Variants in COL5A2 observed in about 807,000 individuals in gnomAD.
The protein encoded by COL5A2 is collagen type V alpha 2 chain.
A neutral mutation model predicts 208.2 loss-of-function variants in COL5A2; 23 were observed. The ratio of observed to expected loss-of-function variants is 0.11; its 90% CI spans 0.08 to 0.16. The LOEUF (loss-of-function observed/expected upper bound fraction) is 0.16. Among genes scored for constraint, COL5A2 ranks in the 10% least tolerant of loss-of-function variants. COL5A2 has a pLI of 1.00. For missense variants in COL5A2, 1,590 were observed against 1,956.4 expected, an observed-to-expected ratio of 0.81 and a Z score of 3.53; for synonymous variants, 625 against 628.5, an observed-to-expected ratio of 0.99 and a Z score of 0.08.
Position 189,065,073 on chromosome 2 carries a change from A to C in COL5A2, c.1564-16T>G, listed in dbSNP as rs1330054940. On this transcript the variant is annotated splice_polypyrimidine_tract_variant and intron_variant, in intron 23 of 53. Transcript: ENST00000374866. The stretch of plus-strand genomic sequence containing the variant: ...CAGGAGCACCCTACAAATGACCAAA[A>C]TGTGATTCTTAATTGTTGTTGATAT... 2 of 1,612,402 alleles carry C rather than the reference A, an allele frequency of 1.2e-6. No individual in the cohort carries two copies. Among genetic ancestry groups the C allele is most frequent in the African/African-American group, 2.7e-5 (2 of 74,870 alleles).
rs146227632 is a variant in COL5A2, at chr2:189,108,102, C to T, written c.322+2123G>A. 1.8e-3 allele frequency among the ~76,000 whole-genome samples: 275 copies of T among 151,768 alleles called. 2 individuals carry two copies. Among genetic ancestry groups the T allele is most frequent in the African/African-American group, 6.3e-3 (262 of 41,514 alleles). ...TAGTTCATACTTTCTTTTGCCTCCC[C>T]CTTTCATTATATATGTTTTATAATT... On this transcript the variant is annotated intron_variant, in intron 2 of 53. Transcript: ENST00000374866.
At chr2:189,343,317 A>C in the COL5A2 span, among the ~76,000 whole-genome samples, 1 of 152,280 alleles carries the variant, frequency 6.6e-6, no homozygotes, top group East Asian at 1.9e-4. Context: ...ATACAGAATT[A>C]TATGTTAACT....
intron 49 of COL5A2, 28 bp downstream of exon 49, chr2:189,042,692 C>T: frequency 6.3e-7 from 1 of 1,598,824 alleles, no homozygotes; most frequent in Non-Finnish European, 8.6e-7. Flanking sequence ...TTATTTACAC[C>T]TGCAACTTAC....
the COL5A2 span, among the ~76,000 whole-genome samples, chr2:189,248,678 T>C: frequency 6.6e-6 from 1 of 152,290 alleles, no homozygotes; most frequent in African/African-American, 2.4e-5. Flanking sequence ...GGTGATTTTA[T>C]CCTTTTTTCC....
the COL5A2 span, among the ~76,000 whole-genome samples, chr2:189,398,476 A>G: frequency 6.6e-6 from 1 of 152,154 alleles, no homozygotes; most frequent in Non-Finnish European, 1.5e-5. Context: ...AAATTATTAT[A>G]TCTTCCTTAA....
the COL5A2 span, among the ~76,000 whole-genome samples, chr2:189,339,403 GA>G: frequency 6.6e-6 from 1 of 151,544 alleles, no homozygotes; most frequent in Non-Finnish European, 1.5e-5. Flanking sequence ...TTAAAAATTG[GA>G]AAACTGAGCC....
chr2:189,064,109 G>T (rs1576502896), intron 25 of COL5A2, 76 bp from the exon 26 acceptor site: 2 of 879,180 alleles, frequency 2.3e-6, no homozygotes, highest in Non-Finnish European at 3.3e-6. Flanking sequence ...TAAAAATAGT[G>T]TTGCATTTTT....
intron 1 of COL5A2, among the ~76,000 whole-genome samples, chr2:189,130,275 T>C (rs918704299): frequency 1.3e-5 from 2 of 152,052 alleles, no homozygotes; most frequent in Non-Finnish European, 2.9e-5. Flanking sequence ...TTTTAGTCAC[T>C]GAGATATTTT....
the COL5A2 span, among the ~76,000 whole-genome samples, chr2:189,344,580 A>G: frequency 1.3e-5 from 2 of 152,154 alleles, no homozygotes; most frequent in African/African-American, 4.8e-5. Flanking sequence ...TCCCAAGAAT[A>G]TCTAAACTGA....
At chr2:189,085,659 G>T in intron 10 of COL5A2, 60 bp downstream of exon 10, 1 of 1,378,112 alleles carries the variant, frequency 7.3e-7, no homozygotes, top group Non-Finnish European at 1.0e-6. Flanking sequence ...CTCAATATTT[G>T]ACATCATTAT....
At chr2:189,250,614 T>C in the COL5A2 span, among the ~76,000 whole-genome samples, 22,607 of 152,108 alleles carry the variant, frequency 0.15, 2,872 homozygotes, top group African/African-American at 0.34. Flanking sequence ...TCTTCCTTCA[T>C]TGGGGATAAG....
chr2:189,228,499 T>C (rs1172496029), upstream of COL5A2, among the ~76,000 whole-genome samples: 1 of 151,774 alleles, frequency 6.6e-6, no homozygotes, highest in Non-Finnish European at 1.5e-5. Context: ...ACAAAAAGAA[T>C]TATGAGAGAC....
intron 1 of COL5A2, among the ~76,000 whole-genome samples, chr2:189,138,128 C>G: frequency 6.6e-6 from 1 of 152,114 alleles, no homozygotes; most frequent in East Asian, 1.9e-4. Context: ...GTGCATGCCA[C>G]AATGCCCAGC....
chr2:189,043,040 A>T (rs1449242751), intron 48 of COL5A2, 111 bp downstream of exon 48: 2 of 870,284 alleles, frequency 2.3e-6, no homozygotes, highest in African/African-American at 3.3e-5. Flanking sequence ...CTTTGAACTG[A>T]AAATAAGATA....
rs139980764 is a variant in COL5A2 at position 189,158,527 on chromosome 2, T to C, written c.97+20981A>G. Among the ~76,000 whole-genome samples, 966 of 152,178 alleles carry C rather than the reference T, an allele frequency of 6.3e-3. 14 individuals carry two copies. Among genetic ancestry groups the C allele is most frequent in the African/African-American group, 0.021 (856 of 41,556 alleles). Reference sequence around the variant, plus strand: ...TGTGAAATTAGTTCAGAAATCAATATGTTAGAATATACAAGAGATTTAACC... The same window carrying C: ...TGTGAAATTAGTTCAGAAATCAATACGTTAGAATATACAAGAGATTTAACC... On this transcript the variant is annotated intron_variant, in intron 1 of 53. Transcript: ENST00000374866.
chr2:189,289,872 T>G, the COL5A2 span, among the ~76,000 whole-genome samples: 1 of 152,162 alleles, frequency 6.6e-6, no homozygotes, highest in Admixed American at 6.6e-5. Flanking sequence ...TATTTTGTGT[T>G]CATGGATTGT....
chr2:189,268,362 A>G, the COL5A2 span, among the ~76,000 whole-genome samples: 1 of 152,174 alleles, frequency 6.6e-6, no homozygotes, highest in Non-Finnish European at 1.5e-5. Context: ...TTCTCTGGCT[A>G]ACTGAATATG....
chr2:189,094,722 G>A (rs1686868828), intron 6 of COL5A2, among the ~76,000 whole-genome samples: 1 of 147,756 alleles, frequency 6.8e-6, no homozygotes, highest in Non-Finnish European at 1.5e-5. Context: ...GTGGTTAAGT[G>A]TCATGTGCAA....
chr2:189,368,218 T>C, the COL5A2 span, among the ~76,000 whole-genome samples: 1 of 152,230 alleles, frequency 6.6e-6, no homozygotes, highest in Non-Finnish European at 1.5e-5. Flanking sequence ...TTTGAGAATG[T>C]ATAACTGTGT....
Sources: gnomAD v4.1 joint callset for allele counts (sites outside exome capture counted in the v4.1 genomes callset) on GRCh38, gnomAD v4.1.1 for gene constraint, MANE v1.5 for transcripts, NCBI Gene and HGNC (gene_info 2026-07-23, HGNC 2026-07-21) for gene names.